Variants in SAMD12 observed in about 807,000 individuals in gnomAD.
SAMD12 encodes sterile alpha motif domain containing 12.
SAMD12 carries 9 observed loss-of-function variants against 15.0 expected under a neutral mutation model. The ratio of observed to expected loss-of-function variants is 0.60; its 90% CI spans 0.36 to 1.05. SAMD12 has a LOEUF of 1.05. Ranked by LOEUF, SAMD12 falls within the 50% of genes least tolerant of loss-of-function variation. The probability of loss-of-function intolerance (pLI) is 0.01; values close to 1 mark genes in which losing one functional copy is unlikely to be tolerated. For missense variants in SAMD12, 230 were observed against 234.2 expected (o/e 0.98, Z 0.12); for synonymous variants, 86 against 90.1 (o/e 0.96, Z 0.25).
intron 2 of SAMD12, among the ~76,000 whole-genome samples, chr8:118,539,405 G>A (rs529919596): frequency 6.2e-4 from 94 of 152,288 alleles, no homozygotes; most frequent in African/African-American, 2.2e-3. Flanking sequence ...CCAGGATCAG[G>A]AGGCTGAACT....
intron 2 of SAMD12, among the ~76,000 whole-genome samples, chr8:118,558,836 C>G (rs1411198527): frequency 6.6e-6 from 1 of 152,116 alleles, no homozygotes; most frequent in East Asian, 1.9e-4. Flanking sequence ...GGATTACAGG[C>G]GTGAGCCACC....
intron 2 of SAMD12, among the ~76,000 whole-genome samples, chr8:118,505,744 C>A (rs1824903819): frequency 6.6e-6 from 1 of 151,668 alleles, no homozygotes. Flanking sequence ...TGTAACTATA[C>A]CCGATGTAAT....
chr8:118,431,687 CGTGTGT>C (rs56898456), intron 3 of SAMD12, among the ~76,000 whole-genome samples: 4,386 of 147,378 alleles, frequency 0.03, 124 homozygotes, highest in African/African-American at 0.07. Context: ...TTACCTTTGT[CGTGTGT>C]GTGTGTGTGT....
chr8:118,163,621 AT>A, the SAMD12 span, among the ~76,000 whole-genome samples: 1 of 152,022 alleles, frequency 6.6e-6, no homozygotes, highest in African/African-American at 2.4e-5. Flanking sequence ...CACGCCTGTA[AT>A]CCCAGCACTT....
chr8:118,183,660 A>C, the SAMD12 span, among the ~76,000 whole-genome samples: 90 of 152,234 alleles, frequency 5.9e-4, no homozygotes, highest in African/African-American at 2.0e-3. Flanking sequence ...GGGAACTATA[A>C]TATCTTACTA....
At chr8:118,268,804 ACTCTGT>A (rs2130098708) in intron 4 of SAMD12, among the ~76,000 whole-genome samples, 1 of 152,100 alleles carries the variant, frequency 6.6e-6, no homozygotes, top group Admixed American at 6.5e-5. Flanking sequence ...ACAAAGCCAG[ACTCTGT>A]CTCAAAAAAA....
chr8:118,305,496 T>C (rs1316025277), intron 4 of SAMD12, among the ~76,000 whole-genome samples: 1 of 152,234 alleles, frequency 6.6e-6, no homozygotes, highest in African/African-American at 2.4e-5. Context: ...TTTAATTGTA[T>C]GTATATACCA....
At chr8:118,608,608 A>G (rs2131311370) in intron 1 of SAMD12, among the ~76,000 whole-genome samples, 1 of 152,134 alleles carries the variant, frequency 6.6e-6, no homozygotes, top group Non-Finnish European at 1.5e-5. Context: ...GGTTCAAGCA[A>G]TTCTTCTGCC....
At chr8:118,317,988 T>C (rs895956250) in intron 4 of SAMD12, among the ~76,000 whole-genome samples, 2 of 152,032 alleles carry the variant, frequency 1.3e-5, no homozygotes, top group Non-Finnish European at 2.9e-5. Context: ...CAAATTAAAA[T>C]TACAATGAGA....
chr8:118,314,729 G>C (rs1815798769), intron 4 of SAMD12, among the ~76,000 whole-genome samples: 1 of 152,142 alleles, frequency 6.6e-6, no homozygotes, highest in African/African-American at 2.4e-5. Flanking sequence ...TCAGTAGTTT[G>C]TTCCTTTCTG....
downstream of SAMD12, among the ~76,000 whole-genome samples, chr8:118,377,355 G>A (rs1010972154): frequency 8.6e-5 from 13 of 151,998 alleles, no homozygotes; most frequent in African/African-American, 2.4e-4. Context: ...CCAAGATTGC[G>A]CCACTGCACT....
chr8:118,188,133 C>T (rs149675359), downstream of SAMD12, among the ~76,000 whole-genome samples: 3 of 151,234 alleles, frequency 2.0e-5, no homozygotes, highest in Admixed American at 6.6e-5. Context: ...GAGAAAGGCA[C>T]GTGCAGAAAG....
chr8:118,247,189 T>C (rs1208143211), intron 4 of SAMD12, among the ~76,000 whole-genome samples: 1 of 152,034 alleles, frequency 6.6e-6, no homozygotes. Context: ...CTCACTTATA[T>C]GTGAAATCTA....
At chr8:118,577,494 A>T (rs1260203928) in intron 2 of SAMD12, among the ~76,000 whole-genome samples, 2 of 152,186 alleles carry the variant, frequency 1.3e-5, no homozygotes, top group Non-Finnish European at 2.9e-5. Flanking sequence ...CCTCTGGAAC[A>T]GGTGGTGTGC....
chr8:118,248,642 A>T lies in SAMD12; in HGVS notation c.434-50910T>A, dbSNP rs75715115. ...TACTGAATAGATGACTTTTTTTTTTATACATCAGAAGATGTACACCCTCTT... is the reference window on the plus strand; with the variant it reads ...TACTGAATAGATGACTTTTTTTTTTTTACATCAGAAGATGTACACCCTCTT... On this transcript the variant is annotated intron_variant, in intron 4 of 4. Transcript: ENST00000409003. 2.9e-3 allele frequency among the ~76,000 whole-genome samples: 427 copies of T among 144,852 alleles called. 3 individuals are homozygous for T. Among genetic ancestry groups the T allele is most frequent in the African/African-American group, 0.01 (398 of 38,816 alleles).
At position 118,593,283 on chromosome 8, in the gene SAMD12, T is replaced by C. The variant is rs140680556; in HGVS notation, c.14-12390A>G. 4.2e-4 allele frequency among the ~76,000 whole-genome samples: 64 copies of C among 152,190 alleles called. 1 individual carries two copies. In the East Asian group the frequency reaches 0.011, roughly 26 times the overall value. On this transcript the variant is annotated intron_variant, in intron 1 of 3. Coordinates refer to ENST00000314727, the MANE Select transcript of SAMD12 (RefSeq NM_207506.3). Reference sequence around the variant, plus strand: ...CTTGCAGTGGTCCAAAGGCTAAAAGTAGTTCAAAGTTCAATGGAGCCATTG... The same window carrying C: ...CTTGCAGTGGTCCAAAGGCTAAAAGCAGTTCAAAGTTCAATGGAGCCATTG...
At chr8:118,500,170 C>T (rs1471330721) in intron 2 of SAMD12, among the ~76,000 whole-genome samples, 4 of 147,982 alleles carry the variant, frequency 2.7e-5, no homozygotes, top group Non-Finnish European at 5.9e-5. Flanking sequence ...CCTCTGCCTC[C>T]CGGGTTCAAG....
At chr8:118,483,191 T>A (rs1824176140) in intron 2 of SAMD12, among the ~76,000 whole-genome samples, 1 of 152,204 alleles carries the variant, frequency 6.6e-6, no homozygotes, top group East Asian at 1.9e-4. Flanking sequence ...TCAGAAAACA[T>A]ATCTGCTATT....
chr8:118,440,039 G>C, intron 2 of SAMD12, 78 bp from the exon 3 acceptor site: 1 of 1,428,382 alleles, frequency 7.0e-7, no homozygotes, highest in East Asian at 2.3e-5. Context: ...CTTAGAGTGT[G>C]TTAAAGGCTA....
Sources: gnomAD v4.1 joint callset for allele counts (sites outside exome capture counted in the v4.1 genomes callset) on GRCh38, gnomAD v4.1.1 for gene constraint, MANE v1.5 for transcripts, NCBI Gene and HGNC (gene_info 2026-07-23, HGNC 2026-07-21) for gene names.